The following ZFYVE28 variants were observed in gnomAD, a reference collection of about 807,000 sequenced individuals.
ZFYVE28 encodes the protein lateral signaling target protein 2 homolog.
Under a neutral mutation model 82.1 loss-of-function variants are expected in ZFYVE28, and 40 were observed. That is an observed-to-expected ratio of 0.49 (90% CI 0.38 to 0.63). The LOEUF (loss-of-function observed/expected upper bound fraction) is 0.63, where lower values mean the gene tolerates loss of function less well. Among genes scored for constraint, ZFYVE28 ranks in the 30% least tolerant of loss-of-function variants. The probability of loss-of-function intolerance (pLI) is 0.00; values close to 1 mark genes in which losing one functional copy is unlikely to be tolerated. For missense variants in ZFYVE28, 1,321 were observed against 1,242.1 expected, an observed-to-expected ratio of 1.06 and a Z score of -0.96; for synonymous variants, 612 against 546.1, an observed-to-expected ratio of 1.12 and a Z score of -1.68.
chr4:2,370,394 C>G (rs1355095932), intron 1 of ZFYVE28, among the ~76,000 whole-genome samples: 2 of 152,162 alleles, frequency 1.3e-5, no homozygotes, highest in African/African-American at 4.8e-5. Flanking sequence ...CAGAGCTGGC[C>G]GAGCTGCCCA....
intron 1 of ZFYVE28, among the ~76,000 whole-genome samples, chr4:2,406,055 A>AG (rs1731863244): frequency 1.9e-5 from 2 of 103,190 alleles, no homozygotes; most frequent in Admixed American, 1.1e-4. Flanking sequence ...CTCAAAAAAA[A>AG]AAAAAAAAAA....
chr4:2,395,989 C>T (rs1339646309), intron 1 of ZFYVE28, among the ~76,000 whole-genome samples: 4 of 152,158 alleles, frequency 2.6e-5, no homozygotes, highest in African/African-American at 7.2e-5. Context: ...CAATTCAGCC[C>T]GGGTGAGACC....
Position 2,354,048 on chromosome 4 carries a change from C to T in ZFYVE28, c.65G>A (p.Arg22Gln), listed in dbSNP as rs540850393. The T allele has an allele frequency of 1.3e-4, 204 of 1,573,032 alleles. 4 individuals are homozygous for T. In the South Asian group the frequency reaches 1.9e-3, roughly 14 times the overall value. Reference sequence around the variant, plus strand: ...CAGCTCCTCGTCGGCATAGTAGAACCGGGCAAGCAGCTGCGGATCCGACCT... The same window carrying T: ...CAGCTCCTCGTCGGCATAGTAGAACTGGGCAAGCAGCTGCGGATCCGACCT... ...PKRSDPQLLA[R>Q]FYYADEELNQ... The change falls in exon 2 of 13, where the codon CGG (arginine) becomes CAG (glutamine). Residue 22 changes from arginine to glutamine, a missense_variant. Arg to Gln is a conservative substitution (Grantham distance 43). Transcript: ENST00000290974.
At chr4:2,298,817 C>T (rs1194592648) in intron 8 of ZFYVE28, among the ~76,000 whole-genome samples, 1 of 152,212 alleles carries the variant, frequency 6.6e-6, no homozygotes. Context: ...CGGCCACAGC[C>T]TCCGTCAGTC....
rs920700219 is a variant in ZFYVE28, at chr4:2,339,135, C to T, written c.521+318G>A. 1.3e-5 allele frequency among the ~76,000 whole-genome samples: 2 copies of T among 152,288 alleles called. No homozygotes were observed. Among genetic ancestry groups the T allele is most frequent in the Admixed American group, 6.5e-5 (1 of 15,298 alleles). On this transcript the variant is annotated intron_variant, in intron 4 of 12. Coordinates refer to ENST00000290974, the MANE Select transcript of ZFYVE28 (RefSeq NM_020972.3). The surrounding 1 kb of genome is among the most constrained non-coding windows in gnomAD (Gnocchi z 5.0). ...CTGGCTGCCTCTGTTTTCTTCTCAC[C>T]TGTGACGTCTCTTCATCTTCCGAGG...
chr4:2,378,840 G>C (rs1337189202), intron 1 of ZFYVE28, among the ~76,000 whole-genome samples: 1 of 152,194 alleles, frequency 6.6e-6, no homozygotes, highest in Non-Finnish European at 1.5e-5. Flanking sequence ...CACAGATCTT[G>C]ATTATTCCCA....
chr4:2,350,034 G>GAC (rs71644325), intron 2 of ZFYVE28, among the ~76,000 whole-genome samples: 35,053 of 148,636 alleles, frequency 0.24, 4,399 homozygotes, highest in Middle Eastern at 0.4. Context: ...GTGACACACA[G>GAC]ACACACACAC....
chr4:2,336,375 A>G (rs888449320), intron 5 of ZFYVE28, among the ~76,000 whole-genome samples: 24 of 152,236 alleles, frequency 1.6e-4, no homozygotes, highest in African/African-American at 5.8e-4. Flanking sequence ...CACAAAGAGT[A>G]AAAATTTGCT....
rs1283671328 is a variant in ZFYVE28, at chr4:2,320,140, CT to C, written c.803+29del. 6.4e-7 allele frequency: 1 copy of C among 1,555,490 alleles called. No homozygotes were observed. Among genetic ancestry groups the C allele is most frequent in the Non-Finnish European group, 8.9e-7 (1 of 1,127,316 alleles). ...CCTGTGGCCCTCCTGTCCCCCTCCC[CT>C]CCCCCACCTCCTCTAGCTCCATCCC... On this transcript the variant is annotated intron_variant, in intron 7 of 12. Coordinates refer to ENST00000290974, the MANE Select transcript of ZFYVE28 (RefSeq NM_020972.3). The surrounding 1 kb of genome is among the most constrained non-coding windows in gnomAD (Gnocchi z 5.1).
chr4:2,303,267 GGAA>G (rs1715887004), intron 8 of ZFYVE28, among the ~76,000 whole-genome samples: 1 of 152,268 alleles, frequency 6.6e-6, no homozygotes, highest in African/African-American at 2.4e-5. Context: ...ACCGAGCACG[GGAA>G]GAAGGAGGCG....
chr4:2,357,418 T>A (rs1393971149), intron 1 of ZFYVE28, among the ~76,000 whole-genome samples: 1 of 152,160 alleles, frequency 6.6e-6, no homozygotes, highest in Admixed American at 6.5e-5. Flanking sequence ...GGAGGGAGCA[T>A]GGCCCCTTTT....
chr4:2,366,773 T>C lies in ZFYVE28; in HGVS notation c.40-12700A>G, dbSNP rs904174930. On this transcript the variant is annotated intron_variant, in intron 1 of 12. Transcript: ENST00000290974. ...GAGATGCTCCCCAGAAGCCGGACCC[T>C]GGCTCTAGGAAGAGGCTGGGTTGGC... Among the ~76,000 whole-genome samples, 5 of 152,232 alleles carry C rather than the reference T, an allele frequency of 3.3e-5. No homozygotes were observed. The South Asian group carries it at 1.0e-3, about 32-fold the overall frequency.
intron 6 of ZFYVE28, among the ~76,000 whole-genome samples, chr4:2,323,197 G>C (rs114945743): frequency 0.019 from 2,951 of 152,194 alleles, 89 homozygotes; most frequent in African/African-American, 0.068. Flanking sequence ...ACTTCTCCAC[G>C]CTCTCCCCAC....
chr4:2,344,004 A>C (rs1703984067), intron 2 of ZFYVE28, among the ~76,000 whole-genome samples: 1 of 152,194 alleles, frequency 6.6e-6, no homozygotes, highest in Non-Finnish European at 1.5e-5. Flanking sequence ...CAAGAACAAC[A>C]GTGATTTCCA....
At chr4:2,331,437 C>T (rs1387656959) in intron 6 of ZFYVE28, among the ~76,000 whole-genome samples, 1 of 151,718 alleles carries the variant, frequency 6.6e-6, no homozygotes, top group African/African-American at 2.4e-5. Context: ...AGCCCGGGAA[C>T]TCGAGACCAG....
At position 2,339,767 on chromosome 4, in the gene ZFYVE28, G is replaced by C; in HGVS notation, c.319-112C>G. The C allele has an allele frequency of 1.1e-6, 1 of 901,716 alleles. No homozygotes were observed. The highest frequency in any genetic ancestry group is 1.6e-6 in the Non-Finnish European group (1 of 607,520). The allele number at this position is 901,716 out of a possible 1,614,324, so 55.9% of individuals were successfully genotyped here. On this transcript the variant is annotated intron_variant, in intron 3 of 12. Coordinates refer to ENST00000290974, the MANE Select transcript of ZFYVE28 (RefSeq NM_020972.3). The surrounding 1 kb of genome is among the most constrained non-coding windows in gnomAD (Gnocchi z 5.0). ...TCGGGGCCCCTCTTCTCACCCCACA[G>C]CACAGGCCAGCTCGTGTTCCCGGTC...
chr4:2,355,443 G>T (rs537251417), intron 1 of ZFYVE28, among the ~76,000 whole-genome samples: 1 of 140,074 alleles, frequency 7.1e-6, no homozygotes, highest in South Asian at 2.3e-4. Flanking sequence ...CACCACGCCC[G>T]GCCAATTTTT....
At position 2,409,029 on chromosome 4, in the gene ZFYVE28, G is replaced by A. The variant is rs1732229709; in HGVS notation, c.39+9256C>T. ...TTGTGATTTTATCCAACATGCCTGG[G>A]CATCTCGCAGTGGGGAGGTCTGCCT... On this transcript the variant is annotated intron_variant, in intron 1 of 12. Coordinates refer to ENST00000290974, the MANE Select transcript of ZFYVE28 (RefSeq NM_020972.3). This position sits in a 1 kb window ranked among gnomAD's most constrained non-coding sequence, Gnocchi z 4.4. Among the ~76,000 whole-genome samples the A allele has an allele frequency of 6.6e-6, 1 of 152,132 alleles. No homozygotes were observed. The highest frequency in any genetic ancestry group is 1.5e-5 in the Non-Finnish European group (1 of 68,016).
intron 7 of ZFYVE28, among the ~76,000 whole-genome samples, chr4:2,318,782 G>A (rs538787425): frequency 6.6e-6 from 1 of 152,326 alleles, no homozygotes; most frequent in East Asian, 1.9e-4. Context: ...ACTCATACCT[G>A]TAATCCCAAC....
Sources: allele counts gnomAD v4.1 joint callset (sites outside exome capture counted in the v4.1 genomes callset), GRCh38; gene constraint gnomAD v4.1.1; non-coding constraint Gnocchi (gnomAD v3.1); transcripts MANE v1.5; gene names NCBI Gene and HGNC (gene_info 2026-07-23, HGNC 2026-07-21).